Variants in DNAJC18 observed in about 807,000 individuals in gnomAD.
The protein encoded by DNAJC18 is dnaJ homolog subfamily C member 18.
In DNAJC18, 40 loss-of-function variants were observed where a neutral mutation model predicts 48.6. The ratio of observed to expected loss-of-function variants is 0.82; its 90% CI spans 0.64 to 1.07. DNAJC18 has a LOEUF of 1.07. Among genes scored for constraint, DNAJC18 ranks in the 50% least tolerant of loss-of-function variants. The pLI, the probability that DNAJC18 is intolerant of heterozygous loss-of-function variation, is 0.00. For synonymous variants in DNAJC18, 135 were observed against 152.2 expected (o/e 0.89, Z 0.83); for missense variants, 340 against 427.7 (o/e 0.79, Z 1.81).
intron 7 of DNAJC18, among the ~76,000 whole-genome samples, chr5:139,415,489 C>A (rs1759057618): frequency 6.6e-6 from 1 of 152,264 alleles, no homozygotes; most frequent in Non-Finnish European, 1.5e-5. Flanking sequence ...AGCCTGGGCT[C>A]TAGCCCAGCA....
Position 139,413,955 on chromosome 5 carries a change from G to T in DNAJC18, c.*193C>A. The T allele has an allele frequency of 2.8e-6, 2 of 715,460 alleles. No individual in the cohort carries two copies. The highest frequency in any genetic ancestry group is 4.4e-6 in the Non-Finnish European group (2 of 457,878). 44.3% of individuals were successfully genotyped at this position (715,460 alleles called of 1,614,324 possible). On this transcript the variant is annotated 3_prime_UTR_variant, in exon 8 of 8. Coordinates refer to ENST00000302060, the MANE Select transcript of DNAJC18 (RefSeq NM_152686.4). The stretch of plus-strand genomic sequence containing the variant: ...AGATGAACTACTCCTGGTCCCTGGA[G>T]CCACTCCCCAGGAAGGATCCTGTGA...
intron 7 of DNAJC18, chr5:139,418,909 T>A: frequency 2.2e-6 from 1 of 454,396 alleles, no homozygotes; most frequent in Non-Finnish European, 4.4e-6. Context: ...CTGACATATA[T>A]CCCTGGAACT....
At chr5:139,426,478 G>T in intron 3 of DNAJC18, 121 bp from the exon 4 acceptor site, 1 of 1,218,830 alleles carries the variant, frequency 8.2e-7, no homozygotes, top group Non-Finnish European at 1.1e-6. Context: ...AGGGGCCCAA[G>T]AAGAGATGCT....
chr5:139,425,134 T>A lies in DNAJC18; in HGVS notation c.560-20A>T. The stretch of plus-strand genomic sequence containing the variant: ...TATTTCCTGGAAAAGAAATACATGG[T>A]ATGGGATATGGCAAACACTCCTTCC... On this transcript the variant is annotated intron_variant, in intron 4 of 7. Transcript: ENST00000302060. The A allele has an allele frequency of 6.3e-7, 1 of 1,593,974 alleles. No homozygotes were observed. Among genetic ancestry groups the A allele is most frequent in the East Asian group, 2.3e-5 (1 of 44,430 alleles).
At chr5:139,417,851 G>A (rs1470126263) in intron 7 of DNAJC18, among the ~76,000 whole-genome samples, 1 of 152,122 alleles carries the variant, frequency 6.6e-6, no homozygotes, top group East Asian at 1.9e-4. Context: ...TGGGATTACA[G>A]GCATGAGCCA....
At chr5:139,429,877 T>C (rs1759302231) in intron 2 of DNAJC18, among the ~76,000 whole-genome samples, 1 of 152,146 alleles carries the variant, frequency 6.6e-6, no homozygotes, top group Admixed American at 6.5e-5. Context: ...CAGTGAGTTA[T>C]GATTGTTCCA....
chr5:139,430,541 G>A (rs984464177), intron 2 of DNAJC18, among the ~76,000 whole-genome samples: 2 of 151,646 alleles, frequency 1.3e-5, no homozygotes, highest in Non-Finnish European at 1.5e-5. Context: ...GTGCTTGAGA[G>A]CATTTAATAC....
chr5:139,428,773 G>A lies in DNAJC18; in HGVS notation c.228-90C>T, dbSNP rs1286965524. 3 of 1,467,058 alleles carry A rather than the reference G, an allele frequency of 2.0e-6. No individual in the cohort carries two copies. The Admixed American group carries it at 6.9e-5, about 34-fold the overall frequency. The allele number at this position is 1,467,058 out of a possible 1,614,324, so 90.9% of individuals were successfully genotyped here. On this transcript the variant is annotated intron_variant, in intron 2 of 7. Transcript: ENST00000302060. Reference sequence around the variant, plus strand: ...TACATCGATCCTACCTCCAATCTGTGGGACCCAAAACAAACCTATAAGAAA... The same window carrying A: ...TACATCGATCCTACCTCCAATCTGTAGGACCCAAAACAAACCTATAAGAAA...
chr5:139,415,574 G>A (rs556274903), intron 7 of DNAJC18, among the ~76,000 whole-genome samples: 9 of 152,324 alleles, frequency 5.9e-5, no homozygotes, highest in South Asian at 2.1e-4. Flanking sequence ...TGCCTGCAGC[G>A]CCTGCTAGCC....
chr5:139,437,318 A>G lies in DNAJC18; in HGVS notation c.227+54T>C, dbSNP rs1000443009. ...CAATACTTACATAGCACATCCAGGC[A>G]CTCTTCTAAGCACTTTCCATAAAAT... On this transcript the variant is annotated intron_variant, in intron 2 of 7. Transcript: ENST00000302060. 24 of 1,527,374 alleles carry G rather than the reference A, an allele frequency of 1.6e-5. 1 individual carries two copies. The Middle Eastern group carries it at 1.8e-3, about 112-fold the overall frequency. The allele number at this position is 1,527,374 out of a possible 1,614,324, so 94.6% of individuals were successfully genotyped here.
Position 139,422,719 on chromosome 5 carries a change from C to G in DNAJC18, c.768G>C (p.Leu256=), listed in dbSNP as rs754390461. Reference sequence around the variant, plus strand: ...AATACCAGACTTACGATTTATAGAACAGACTATATGGGGGATTAGTAGCCA... The same window carrying G: ...AATACCAGACTTACGATTTATAGAAGAGACTATATGGGGGATTAGTAGCCA... The part of the protein sequence containing the change: ...QLLATNPPYS[L]FYKSTLGYTI... Residue 256 remains leucine (L), a synonymous_variant, in exon 6 of 8, where the codon CTG becomes CTC. Transcript: ENST00000302060. 1 of 1,601,122 alleles carries G rather than the reference C, an allele frequency of 6.2e-7. No homozygotes were observed. The highest frequency in any genetic ancestry group is 8.5e-7 in the Non-Finnish European group (1 of 1,174,004).
intron 5 of DNAJC18, among the ~76,000 whole-genome samples, chr5:139,423,044 G>A (rs1412369838): frequency 1.3e-5 from 2 of 152,074 alleles, no homozygotes; most frequent in African/African-American, 4.8e-5. Context: ...ACCGCAGCCA[G>A]GATGGTCTCG....
intron 5 of DNAJC18, among the ~76,000 whole-genome samples, chr5:139,424,730 A>AAAAAAAAAAAAAAAAAAC (rs1759208432): frequency 6.8e-6 from 1 of 146,170 alleles, no homozygotes; most frequent in African/African-American, 2.5e-5. Flanking sequence ...AAAAAAAAAA[A>AAAAAAAAAAAAAAAAAAC]AAAAAAAAAA....
chr5:139,435,939 GT>G (rs1221024378), intron 2 of DNAJC18, among the ~76,000 whole-genome samples: 1 of 151,624 alleles, frequency 6.6e-6, no homozygotes, highest in Admixed American at 6.6e-5. Context: ...GGCCAGGCTG[GT>G]CTTGAACTCC....
chr5:139,436,872 C>T (rs1431774721), intron 2 of DNAJC18, among the ~76,000 whole-genome samples: 5 of 152,162 alleles, frequency 3.3e-5, no homozygotes, highest in African/African-American at 9.7e-5. Flanking sequence ...TCACTCATCT[C>T]AAAGCATTTT....
At chr5:139,436,741 G>A (rs931656391) in intron 2 of DNAJC18, among the ~76,000 whole-genome samples, 2 of 151,682 alleles carry the variant, frequency 1.3e-5, no homozygotes, top group African/African-American at 4.8e-5. Context: ...AGTTCCTTAA[G>A]GTAGATTAGG....
rs1758998307 is a variant in DNAJC18 at position 139,411,703 on chromosome 5, A to AGCGT, written c.*2444_*2445insACGC. On this transcript the variant is annotated 3_prime_UTR_variant, in exon 8 of 8. Coordinates refer to ENST00000302060, the MANE Select transcript of DNAJC18 (RefSeq NM_152686.4). Reference sequence around the variant, plus strand: ...ACAGTACCATCGGTGCTATAAAAACAGACAATCAGCGTGACATTTAATGGA... The same window carrying AGCGT: ...ACAGTACCATCGGTGCTATAAAAACAGCGTGACAATCAGCGTGACATTTAATGGA... 1 of 152,234 alleles carries AGCGT rather than the reference A, an allele frequency of 6.6e-6. No homozygotes were observed. Among genetic ancestry groups the AGCGT allele is most frequent in the African/African-American group, 2.4e-5 (1 of 41,460 alleles). 9.4% of individuals were successfully genotyped at this position (152,234 alleles called of 1,614,324 possible). A position where few individuals can be genotyped will look rare whatever the true frequency, so the allele number is the denominator to read the frequency against.
At chr5:139,424,449 C>T (rs962717329) in intron 5 of DNAJC18, among the ~76,000 whole-genome samples, 2 of 152,002 alleles carry the variant, frequency 1.3e-5, no homozygotes, top group East Asian at 1.9e-4. Context: ...AATTATGAAG[C>T]CGGAGCGGTG....
chr5:139,426,378 C>A lies in DNAJC18; in HGVS notation c.374-21G>T, dbSNP rs374888806. ...TATTGCTGCAACCAACAAGAACCAG[C>A]ACATGAGGACACAGTCTTTGCTATG... On this transcript the variant is annotated intron_variant, in intron 3 of 7. Coordinates refer to ENST00000302060, the MANE Select transcript of DNAJC18 (RefSeq NM_152686.4). The A allele has an allele frequency of 4.2e-5, 68 of 1,611,548 alleles. No individual in the cohort carries two copies. In the African/African-American group the frequency reaches 8.1e-4, roughly 19 times the overall value.
Sources: allele counts gnomAD v4.1 joint callset (sites outside exome capture counted in the v4.1 genomes callset), GRCh38; gene constraint gnomAD v4.1.1; transcripts MANE v1.5; gene names NCBI Gene and HGNC (gene_info 2026-07-23, HGNC 2026-07-21).